Variants in SIGLEC10 observed in about 807,000 individuals in gnomAD.
The protein encoded by SIGLEC10 is sialic acid binding Ig like lectin 10, also known as sialic acid-binding Ig-like lectin 10.
In SIGLEC10, 45 loss-of-function variants were observed where a neutral mutation model predicts 68.3. That is an observed-to-expected ratio of 0.66 (90% CI 0.52 to 0.84). SIGLEC10 has a LOEUF of 0.84. Ranked by LOEUF, SIGLEC10 falls within the 40% of genes least tolerant of loss-of-function variation. The pLI is 0.00. For missense variants in SIGLEC10, 789 were observed against 883.1 expected, an observed-to-expected ratio of 0.89 and a Z score of 1.35; for synonymous variants, 379 against 370.8, an observed-to-expected ratio of 1.02 and a Z score of -0.26.
intron 10 of SIGLEC10, 73 bp from the exon 11 acceptor site, chr19:51,411,444 G>A (rs765131394): frequency 1.4e-5 from 22 of 1,565,560 alleles, no homozygotes; most frequent in African/African-American, 2.7e-5. Flanking sequence ...GTCGGGCACT[G>A]ATTTACAGCA....
At position 51,411,313 on chromosome 19, in the gene SIGLEC10, C is replaced by T; in HGVS notation, c.1880G>A (p.Gly627Asp). The change falls in exon 11 of 11, where the codon GGT becomes GAT. Residue 627 changes from glycine to aspartate, a missense_variant. Transcript: ENST00000339313. Reference sequence around the variant, plus strand: ...CTTCTTTGATTCTGGGGAGGGAGCACCTGGTGGAAGAGGGGTCCGAGGACT... The same window carrying T: ...CTTCTTTGATTCTGGGGAGGGAGCATCTGGTGGAAGAGGGGTCCGAGGACT... ...PNSPRTPLPP[G>D]APSPESKKNQ... 6.2e-7 allele frequency: 1 copy of T among 1,614,128 alleles called. No individual in the cohort carries two copies. The highest frequency in any genetic ancestry group is 8.5e-7 in the Non-Finnish European group (1 of 1,180,028).
chr19:51,411,381 G>T lies in SIGLEC10; in HGVS notation c.1822-10C>A, dbSNP rs368456129. The T allele has an allele frequency of 1.9e-6, 3 of 1,612,888 alleles. No individual in the cohort carries two copies. The highest frequency in any genetic ancestry group is 2.5e-6 in the Non-Finnish European group (3 of 1,179,060). On this transcript the variant is annotated splice_polypyrimidine_tract_variant and intron_variant, in intron 10 of 10. Transcript: ENST00000339313. ...GATTCCGCTTCTGAGCCTGAGGGAA[G>T]AACCACCATCCTTCATTCATTCATT... is the stretch of plus-strand genomic sequence containing the variant.
Position 51,416,862 on chromosome 19 carries a change from A to G in SIGLEC10, c.510T>C (p.Phe170=), listed in dbSNP as rs777751452. The G allele has an allele frequency of 6.8e-6, 11 of 1,613,998 alleles. No individual in the cohort carries two copies. Among genetic ancestry groups the G allele is most frequent in the South Asian group, 1.1e-5 (1 of 91,084 alleles). The part of the protein sequence containing the change: ...VTVICVFNWA[F]EECPPPSFSW... ...AGAAAGAAGGGGGTGGACATTCCTC[A>G]AAGGCCCAGTTAAACACACAGATGA... The change falls in exon 3 of 11, where the codon TTT becomes TTC. Residue 170 remains phenylalanine (F), a synonymous_variant. Transcript: ENST00000339313.
In SIGLEC10 at chr19:51,415,372, C is replaced by T. The variant is rs1988500202; in HGVS notation, c.1139G>A (p.Cys380Tyr). The T allele has an allele frequency of 1.2e-6, 2 of 1,612,392 alleles. No individual in the cohort carries two copies. Among genetic ancestry groups the T allele is most frequent in the African/African-American group, 1.3e-5 (1 of 74,894 alleles). ...GGCTGGGGGGCTGCTGTGTGTGACACAGACCAGGCACAGGCTTTGGCCCTC... is the reference window on the plus strand; with the variant it reads ...GGCTGGGGGGCTGCTGTGTGTGACATAGACCAGGCACAGGCTTTGGCCCTC... Reference protein sequence around the residue: ...VLEGQSLCLVCVTHSSPPARL... With the variant: ...VLEGQSLCLVYVTHSSPPARL... The change falls in exon 7 of 11, where the codon TGT (cysteine) becomes TAT (tyrosine). Residue 380 changes from cysteine to tyrosine, a missense_variant. Coordinates refer to ENST00000339313, the MANE Select transcript of SIGLEC10 (RefSeq NM_033130.5).
intron 10 of SIGLEC10, 75 bp downstream of exon 10, chr19:51,413,637 A>AGG (rs977108310): frequency 1.1e-5 from 14 of 1,294,398 alleles, no homozygotes; most frequent in Non-Finnish European, 1.6e-5. Context: ...CGCTAAGACA[A>AGG]GGGGTGCAAA....
intron 10 of SIGLEC10, among the ~76,000 whole-genome samples, chr19:51,413,172 T>C (rs1316315236): frequency 6.6e-6 from 1 of 152,172 alleles, no homozygotes; most frequent in Non-Finnish European, 1.5e-5. Context: ...CCAGGTGATA[T>C]TCTGAATATT....
chr19:51,413,106 A>G (rs2123728425), intron 10 of SIGLEC10, among the ~76,000 whole-genome samples: 1 of 152,318 alleles, frequency 6.6e-6, no homozygotes, highest in East Asian at 1.9e-4. Context: ...TGCAGTCATC[A>G]GCATAAGATG....
chr19:51,415,532 A>C (rs78064832), intron 6 of SIGLEC10, 36 bp downstream of exon 6: 61,070 of 1,613,826 alleles, frequency 0.038, 1,892 homozygotes, highest in African/African-American at 0.14. Context: ...CCAATTCGGC[A>C]CTGAGAGGCC....
chr19:51,414,705 C>T lies in SIGLEC10; in HGVS notation c.1615+119G>A. ...ACTTCCCATTGTGTTTTCCTGTCTA[C>T]ATACAGATGCCACGGGTCTGCTGTG... is the stretch of plus-strand genomic sequence containing the variant. On this transcript the variant is annotated intron_variant, in intron 8 of 10. Coordinates refer to ENST00000339313, the MANE Select transcript of SIGLEC10 (RefSeq NM_033130.5). The surrounding 1 kb of genome is among the most constrained non-coding windows in gnomAD (Gnocchi z 4.1). 2.0e-6 allele frequency: 3 copies of T among 1,511,948 alleles called. No individual in the cohort carries two copies. The South Asian group carries it at 3.5e-5, about 18-fold the overall frequency. 93.7% of individuals were successfully genotyped at this position (1,511,948 alleles called of 1,614,324 possible).
rs1285290633 is a variant in SIGLEC10, at chr19:51,413,823, G to A, written c.1710C>T (p.Ile570=). The change falls in exon 10 of 11, where the codon ATC becomes ATT. Residue 570 remains isoleucine, a splice_region_variant and synonymous_variant. Coordinates refer to ENST00000339313, the MANE Select transcript of SIGLEC10 (RefSeq NM_033130.5). The stretch of plus-strand genomic sequence containing the variant: ...TCCGTCTCTTCGGTAGAATCTTCAT[G>A]CTGAGGAAATGAACCCACCTGTTTG... The part of the protein sequence containing the change: ...ALLFLCLALI[I]MKILPKRRTQ... 1.2e-6 allele frequency: 2 copies of A among 1,613,674 alleles called. No homozygotes were observed. The highest frequency in any genetic ancestry group is 1.3e-5 in the African/African-American group (1 of 74,880).
chr19:51,416,458 A>G (rs1410990818), intron 3 of SIGLEC10, 101 bp from the exon 4 acceptor site: 1 of 1,609,618 alleles, frequency 6.2e-7, no homozygotes, highest in African/African-American at 1.3e-5. Context: ...TCCCGGGAAG[A>G]CAAGTGACAA....
At chr19:51,412,199 A>T (rs1988076803) in intron 10 of SIGLEC10, among the ~76,000 whole-genome samples, 1 of 151,804 alleles carries the variant, frequency 6.6e-6, no homozygotes, top group Admixed American at 6.6e-5. Flanking sequence ...ATGCACGGAG[A>T]GAAAGACTGG....
chr19:51,412,549 A>C (rs1054216838), intron 10 of SIGLEC10, among the ~76,000 whole-genome samples: 34 of 149,892 alleles, frequency 2.3e-4, no homozygotes, highest in Non-Finnish European at 4.1e-4. Context: ...GCATGATCTC[A>C]CTGCAACCTC....
intron 10 of SIGLEC10, among the ~76,000 whole-genome samples, chr19:51,411,912 G>A (rs1421152923): frequency 2.0e-5 from 3 of 152,014 alleles, no homozygotes; most frequent in Non-Finnish European, 4.4e-5. Context: ...GGAGGCTGAG[G>A]CGGGTGGATC....
rs1828644463 is a variant in SIGLEC10 at position 51,416,826 on chromosome 19, C to T, written c.546G>A (p.Gly182=). ...ECPPPSFSWT[G]AALSSQGTKP... ...TGGTTCCTTGGGAGGAGAGGGCAGC[C>T]CCCGTCCAGGAGAAAGAAGGGGGTG... The change falls in exon 3 of 11, where the codon GGG becomes GGA. Residue 182 remains glycine, a synonymous_variant. Coordinates refer to ENST00000339313, the MANE Select transcript of SIGLEC10 (RefSeq NM_033130.5). 1.9e-6 allele frequency: 3 copies of T among 1,614,160 alleles called. No homozygotes were observed. Among genetic ancestry groups the T allele is most frequent in the Non-Finnish European group, 2.5e-6 (3 of 1,180,028 alleles).
At position 51,415,492 on chromosome 19, in the gene SIGLEC10, T is replaced by C; in HGVS notation, c.1073-54A>G. On this transcript the variant is annotated intron_variant, in intron 6 of 10. Coordinates refer to ENST00000339313, the MANE Select transcript of SIGLEC10 (RefSeq NM_033130.5). ...GCAGCTCAGGGCTCAGGGACCCTCC[T>C]GCGTGGGGACCCTCCAGACTCCTGG... is the stretch of plus-strand genomic sequence containing the variant. 1.9e-6 allele frequency: 3 copies of C among 1,613,830 alleles called. No individual in the cohort carries two copies. In the East Asian group the frequency reaches 6.7e-5, roughly 36 times the overall value.
chr19:51,414,839 T>C lies in SIGLEC10; in HGVS notation c.1600A>G (p.Ile534Val). The change falls in exon 8 of 11, where the codon ATC becomes GTC. Residue 534 changes from isoleucine (I) to valine (V), a missense_variant. Physicochemically the swap from Ile to Val is conservative, Grantham distance 29. Coordinates refer to ENST00000339313, the MANE Select transcript of SIGLEC10 (RefSeq NM_033130.5). This position sits in a 1 kb window ranked among gnomAD's most constrained non-coding sequence, Gnocchi z 4.1. ...GCCCCCTAACCTGGCAGCTGCAGGA[T>C]GGATCCACTCTGGGCCCCATGGACG... is the stretch of plus-strand genomic sequence containing the variant. ...WNVHGAQSGS[I>V]LQLPDKKGLI... is the part of the protein sequence containing the mutation. 1 of 1,613,858 alleles carries C rather than the reference T, an allele frequency of 6.2e-7. No individual in the cohort carries two copies. Among genetic ancestry groups the C allele is most frequent in the Non-Finnish European group, 8.5e-7 (1 of 1,179,908 alleles).
In SIGLEC10 at chr19:51,414,917, T is replaced by C. The variant is rs878885836; in HGVS notation, c.1522A>G (p.Ser508Gly). 1.2e-6 allele frequency: 2 copies of C among 1,614,056 alleles called. No individual in the cohort carries two copies. Among genetic ancestry groups the C allele is most frequent in the South Asian group, 1.1e-5 (1 of 91,080 alleles). ...CCGGAGCTGAGCCCTCCATGGAGGC[T>C]CAGGGAGCTGTTGGCCCAGGGCCCG... ...SAGPWANSSLSLHGGLSSGLR... is the reference protein window; with the variant it reads ...SAGPWANSSLGLHGGLSSGLR... The change falls in exon 8 of 11, where the codon AGC (serine) becomes GGC (glycine). Residue 508 changes from serine (S) to glycine (G), a missense_variant. Transcript: ENST00000339313. This position sits in a 1 kb window ranked among gnomAD's most constrained non-coding sequence, Gnocchi z 4.1.
rs1169610905 is a variant in SIGLEC10 at position 51,416,943 on chromosome 19, A to G, written c.429T>C (p.Thr143=). The change falls in exon 3 of 11, where the codon ACT becomes ACC. Residue 143 remains threonine, a synonymous_variant. Coordinates refer to ENST00000339313, the MANE Select transcript of SIGLEC10 (RefSeq NM_033130.5). ...CGGGGATGTAGACATCAGGCTTCTG[A>G]GTCAGGGCTGGGACAGAGACCGTGG... ...DGFFLKVTAL[T]QKPDVYIPET... 1.2e-6 allele frequency: 2 copies of G among 1,611,442 alleles called. No homozygotes were observed. The highest frequency in any genetic ancestry group is 3.3e-5 in the Admixed American group (2 of 59,894).
Sources: gnomAD v4.1 joint callset for allele counts (sites outside exome capture counted in the v4.1 genomes callset) on GRCh38, gnomAD v4.1.1 for gene constraint, Gnocchi (gnomAD v3.1) non-coding constraint, MANE v1.5 for transcripts, NCBI Gene and HGNC (gene_info 2026-07-23, HGNC 2026-07-21) for gene names.